OR1F1: variants seen among roughly 807,000 people sequenced by gnomAD.
OR1F1 encodes olfactory receptor family 1 subfamily F member 1, also known as olfactory receptor 1F1.
For synonymous variants in OR1F1, 184 were observed against 156.7 expected, an observed-to-expected ratio of 1.17 and a Z score of -1.30; for missense variants, 493 against 376.3, an observed-to-expected ratio of 1.31 and a Z score of -2.57.
exon 1 of OR1F1, chr16:3,204,632 C>T (rs1275556509): frequency 4.3e-6 from 7 of 1,614,052 alleles, no homozygotes; most frequent in Non-Finnish European, 5.9e-6. Flanking sequence ...GTGTGCCACC[C>T]CTTACATTAC....
At chr16:3,195,568 G>C in the OR1F1 span, among the ~76,000 whole-genome samples, 2 of 151,616 alleles carry the variant, frequency 1.3e-5, no homozygotes, top group African/African-American at 4.9e-5. Context: ...TGTAATCCCA[G>C]CTACTCGGGA....
chr16:3,192,176 C>G, the OR1F1 span, among the ~76,000 whole-genome samples: 5 of 152,314 alleles, frequency 3.3e-5, no homozygotes, highest in Middle Eastern at 3.4e-3. Context: ...CCTGCCTCAG[C>G]CTCCTGAGTA....
At position 3,204,589 on chromosome 16, in the gene OR1F1, C is replaced by T. The variant is rs1359385975; in HGVS notation, c.343C>T (p.Leu115=). Residue 115 remains leucine, a synonymous_variant, in exon 1 of 1, where the codon CTA becomes TTA. Coordinates refer to ENST00000304646, the Ensembl canonical transcript of OR1F1. The stretch of plus-strand genomic sequence containing the variant: ...GTTCGTGGACATGGACAATTTCCTC[C>T]TAGCTGTGATGGCCTATGACCACTT... 3.7e-6 allele frequency: 6 copies of T among 1,614,038 alleles called. No homozygotes were observed. In the African/African-American group the frequency reaches 8.0e-5, roughly 22 times the overall value.
At chr16:3,198,603 A>G in the OR1F1 span, among the ~76,000 whole-genome samples, 3 of 152,232 alleles carry the variant, frequency 2.0e-5, no homozygotes. Context: ...AAACAAAACA[A>G]CAGTGAGACT....
exon 1 of OR1F1, chr16:3,204,838 A>G (rs1401371224): frequency 1.9e-6 from 3 of 1,614,020 alleles, no homozygotes; most frequent in Non-Finnish European, 2.5e-6. Flanking sequence ...CAATGAGGTC[A>G]TAATCCTTAG....
chr16:3,205,011 C>G, exon 1 of OR1F1: 1 of 1,614,082 alleles, frequency 6.2e-7, no homozygotes, highest in Non-Finnish European at 8.5e-7. Context: ...ACAGCACCAT[C>G]ATTGCTGTGT....
the OR1F1 span, among the ~76,000 whole-genome samples, chr16:3,195,092 C>T: frequency 1.3e-5 from 2 of 152,188 alleles, no homozygotes; most frequent in African/African-American, 4.8e-5. Context: ...AGCCGTGCTC[C>T]GGGAAGCGCA....
At chr16:3,203,331 C>T (rs1047362181), upstream of OR1F1, among the ~76,000 whole-genome samples, 1 of 152,216 alleles carries the variant, frequency 6.6e-6, no homozygotes, top group Non-Finnish European at 1.5e-5. Flanking sequence ...AGCCCAGCTC[C>T]TGATTCATGA....
At chr16:3,205,423 C>A (rs920759994), downstream of OR1F1, among the ~76,000 whole-genome samples, 1 of 152,114 alleles carries the variant, frequency 6.6e-6, no homozygotes, top group African/African-American at 2.4e-5. Context: ...TCAAGTGATC[C>A]TCCTGCCTCA....
chr16:3,192,946 A>G, the OR1F1 span, among the ~76,000 whole-genome samples: 1 of 152,092 alleles, frequency 6.6e-6, no homozygotes, highest in Non-Finnish European at 1.5e-5. Context: ...AAAATTTTTT[A>G]TCTTTTTTGA....
the OR1F1 span, chr16:3,189,651 G>A: frequency 1.3e-5 from 2 of 152,322 alleles, no homozygotes; most frequent in African/African-American, 4.8e-5. Flanking sequence ...TGGTCTAGGG[G>A]TATGATTCTC....
At chr16:3,193,119 G>A in the OR1F1 span, among the ~76,000 whole-genome samples, 1 of 152,026 alleles carries the variant, frequency 6.6e-6, no homozygotes, top group African/African-American at 2.4e-5. Flanking sequence ...TAGAGACGGG[G>A]TTTCGCCATG....
chr16:3,206,465 C>T (rs900631360), downstream of OR1F1, among the ~76,000 whole-genome samples: 12 of 152,248 alleles, frequency 7.9e-5, no homozygotes, highest in Middle Eastern at 6.8e-3. Flanking sequence ...ACCCCCACCC[C>T]TTTTAAAGTC....
At chr16:3,204,171 C>G, upstream of OR1F1, 2 of 1,094,824 alleles carry the variant, frequency 1.8e-6, no homozygotes, top group South Asian at 1.6e-5. Context: ...ATTCCTGTGC[C>G]CCATCTTAAC....
At chr16:3,193,151 T>C in the OR1F1 span, among the ~76,000 whole-genome samples, 1 of 152,040 alleles carries the variant, frequency 6.6e-6, no homozygotes, top group Non-Finnish European at 1.5e-5. Context: ...GGCCTCGAAC[T>C]CCTGACCTCA....
chr16:3,204,752 G>A, exon 1 of OR1F1: 1 of 1,614,068 alleles, frequency 6.2e-7, no homozygotes, highest in Non-Finnish European at 8.5e-7. Flanking sequence ...CTCTCATTCT[G>A]TGCAGACAAT....
downstream of OR1F1, chr16:3,205,233 C>T: frequency 1.4e-6 from 2 of 1,411,874 alleles, no homozygotes; most frequent in South Asian, 2.5e-5. Flanking sequence ...TTATTTTTCA[C>T]CAATTGAGTT....
At chr16:3,201,028 T>C (rs1958129797), upstream of OR1F1, among the ~76,000 whole-genome samples, 1 of 152,240 alleles carries the variant, frequency 6.6e-6, no homozygotes, top group Admixed American at 6.5e-5. Flanking sequence ...CCTGTCTCTA[T>C]GGATTTGCCT....
upstream of OR1F1, among the ~76,000 whole-genome samples, chr16:3,202,260 G>C (rs567006149): frequency 2.6e-4 from 39 of 152,284 alleles, no homozygotes; most frequent in Non-Finnish European, 3.7e-4. Flanking sequence ...CATGAGGAGA[G>C]GTAATCTGCA....
Sources: gnomAD v4.1 joint callset for allele counts (sites outside exome capture counted in the v4.1 genomes callset) on GRCh38, gnomAD v4.1.1 for gene constraint, MANE v1.5 for transcripts, NCBI Gene and HGNC (gene_info 2026-07-23, HGNC 2026-07-21) for gene names.